The following SORCS2 variants were observed in gnomAD, a reference collection of about 807,000 sequenced individuals.
SORCS2 encodes the protein VPS10 domain-containing receptor SorCS2.
Under a neutral mutation model 141.6 loss-of-function variants are expected in SORCS2, and 100 were observed. The observed-to-expected ratio is 0.71, with a 90% CI of 0.60 to 0.83. The LOEUF is 0.83. Among genes scored for constraint, SORCS2 ranks in the 40% least tolerant of loss-of-function variants. SORCS2 has a pLI of 0.00. For synonymous variants in SORCS2, 789 were observed against 676.9 expected, an observed-to-expected ratio of 1.17 and a Z score of -2.57; for missense variants, 1,646 against 1,560.2, an observed-to-expected ratio of 1.05 and a Z score of -0.93.
chr4:7,628,732 G>T (rs1051930961), intron 3 of SORCS2, among the ~76,000 whole-genome samples: 1 of 152,098 alleles, frequency 6.6e-6, no homozygotes, highest in Non-Finnish European at 1.5e-5. Flanking sequence ...GGGAGCTGGG[G>T]CTTCCCGCGG....
intron 1 of SORCS2, among the ~76,000 whole-genome samples, chr4:7,372,710 C>T (rs930131853): frequency 1.5e-4 from 23 of 152,208 alleles, no homozygotes; most frequent in Admixed American, 1.3e-4. Context: ...CCCTCACCCC[C>T]CAGAAGTTCC....
chr4:7,522,213 G>T (rs1255730207), intron 2 of SORCS2, among the ~76,000 whole-genome samples: 1 of 152,170 alleles, frequency 6.6e-6, no homozygotes, highest in Non-Finnish European at 1.5e-5. Flanking sequence ...GGAGTGGGGC[G>T]AGCAGGGGCT....
At position 7,381,082 on chromosome 4, in the gene SORCS2, C is replaced by CAAAAAAAA. The variant is rs397745880; in HGVS notation, c.481-15197_481-15190dup. ...GGGTGATAGAGCAAGACTCTGTCTC[C>CAAAAAAAA]AAAAAAAAAAAAAAAAGGAGTGGGT... On this transcript the variant is annotated intron_variant, in intron 1 of 26. Transcript: ENST00000507866. 6.8e-4 allele frequency among the ~76,000 whole-genome samples: 71 copies of CAAAAAAAA among 103,968 alleles called. 1 individual carries two copies. Among genetic ancestry groups the CAAAAAAAA allele is most frequent in the East Asian group, 5.1e-3 (18 of 3,508 alleles). 68.2% of individuals were successfully genotyped at this position (103,968 alleles called of 152,430 possible).
At chr4:7,488,581 C>A (rs1427496225) in intron 2 of SORCS2, among the ~76,000 whole-genome samples, 1 of 152,260 alleles carries the variant, frequency 6.6e-6, no homozygotes, top group Non-Finnish European at 1.5e-5. Flanking sequence ...CTTTCCCAGA[C>A]CTTCCCTGCC....
At chr4:7,533,455 C>T (rs1444734081) in intron 3 of SORCS2, among the ~76,000 whole-genome samples, 1 of 152,208 alleles carries the variant, frequency 6.6e-6, no homozygotes, top group Non-Finnish European at 1.5e-5. Context: ...ACCTCCTGGC[C>T]CAGCTTCGAG....
intron 1 of SORCS2, among the ~76,000 whole-genome samples, chr4:7,279,130 G>A (rs746662349): frequency 2.0e-5 from 3 of 152,152 alleles, no homozygotes; most frequent in African/African-American, 2.4e-5. Context: ...GGGAGTTCTG[G>A]AAATACAGTT....
chr4:7,320,260 C>T lies in SORCS2; in HGVS notation c.481-76028C>T, dbSNP rs193296553. ...CAAAAAAATCAAACGCTGGGGAACA[C>T]TACTTTTCATAAAAGTAAGCTCAGA... is the stretch of plus-strand genomic sequence containing the variant. On this transcript the variant is annotated intron_variant, in intron 1 of 26. Coordinates refer to ENST00000507866, the MANE Select transcript of SORCS2 (RefSeq NM_020777.3). 3.0e-3 allele frequency among the ~76,000 whole-genome samples: 461 copies of T among 152,328 alleles called. 2 individuals carry two copies. Among genetic ancestry groups the T allele is most frequent in the South Asian group, 0.018 (86 of 4,832 alleles).
rs188355164 is a variant in SORCS2 at position 7,382,052 on chromosome 4, C to T, written c.481-14236C>T. The T allele has an allele frequency of 4.8e-4, 434 of 897,866 alleles. 3 individuals are homozygous for T. The African/African-American group carries it at 6.7e-3, about 14-fold the overall frequency. The allele number at this position is 897,866 out of a possible 1,614,324, so 55.6% of individuals were successfully genotyped here. A position where few individuals can be genotyped will look rare whatever the true frequency, so the allele number is the denominator to read the frequency against. On this transcript the variant is annotated intron_variant, in intron 1 of 26. Transcript: ENST00000507866. ...GTCGGGTCAAAGATGGGACCTCGTT[C>T]GGGAAAGGCCCAGGCATGAGGGGCT...
At chr4:7,223,425 T>C (rs1420780027) in intron 1 of SORCS2, among the ~76,000 whole-genome samples, 1 of 152,208 alleles carries the variant, frequency 6.6e-6, no homozygotes, top group Admixed American at 6.5e-5. Flanking sequence ...CACACGGTCA[T>C]TTCTTTATTT....
intron 2 of SORCS2, among the ~76,000 whole-genome samples, chr4:7,449,610 G>T (rs912524497): frequency 2.0e-5 from 3 of 151,670 alleles, no homozygotes; most frequent in Non-Finnish European, 4.4e-5. Context: ...GATGCTGGGG[G>T]CTGCCATGTG....
At position 7,330,668 on chromosome 4, in the gene SORCS2, T is replaced by C. The variant is rs111809696; in HGVS notation, c.481-65620T>C. On this transcript the variant is annotated intron_variant, in intron 1 of 26. Coordinates refer to ENST00000507866, the MANE Select transcript of SORCS2 (RefSeq NM_020777.3). ...GTGAAAGTCAATGCCCGCTGTGCTC[T>C]GCAGTGCAACTTACATCCATGCTCA... Among the ~76,000 whole-genome samples the C allele has an allele frequency of 1.7e-4, 26 of 152,214 alleles. 2 individuals are homozygous for C. The highest frequency in any genetic ancestry group is 5.5e-4 in the African/African-American group (23 of 41,554).
intron 2 of SORCS2, among the ~76,000 whole-genome samples, chr4:7,452,274 G>A (rs1728510304): frequency 6.6e-6 from 1 of 152,096 alleles, no homozygotes; most frequent in East Asian, 1.9e-4. Flanking sequence ...CTGAGTGGCT[G>A]GGATTACAGG....
intron 3 of SORCS2, among the ~76,000 whole-genome samples, chr4:7,538,445 TGGCATGGGGAAGTGTGAA>T (rs1200135960): frequency 6.6e-6 from 1 of 152,168 alleles, no homozygotes; most frequent in Non-Finnish European, 1.5e-5. Flanking sequence ...AGGAGCCCTG[TGGCATGGGGAAGTGTGAA>T]GGCACGGCCC....
At chr4:7,701,584 C>CG in intron 12 of SORCS2, among the ~76,000 whole-genome samples, 1 of 152,292 alleles carries the variant, frequency 6.6e-6, no homozygotes, top group Non-Finnish European at 1.5e-5. Context: ...GTAAGTGTCA[C>CG]GGAAGCATTG....
intron 8 of SORCS2, among the ~76,000 whole-genome samples, 171 bp from the exon 9 acceptor site, chr4:7,675,879 T>G (rs1285776265): frequency 6.6e-6 from 1 of 152,114 alleles, no homozygotes; most frequent in Non-Finnish European, 1.5e-5. Context: ...AGGAGACTTG[T>G]GCAAGGCCAC....
chr4:7,423,025 G>A (rs1247784903), intron 2 of SORCS2, among the ~76,000 whole-genome samples: 1 of 78,142 alleles, frequency 1.3e-5, no homozygotes, highest in African/African-American at 5.0e-5. Context: ...CCACTTCTCA[G>A]CCTTCACCCC....
intron 18 of SORCS2, among the ~76,000 whole-genome samples, chr4:7,721,059 C>T (rs1726554815): frequency 6.6e-6 from 1 of 152,230 alleles, no homozygotes; most frequent in Non-Finnish European, 1.5e-5. Flanking sequence ...CAGTGTTATT[C>T]ACAAAGGCCA....
chr4:7,640,356 A>ATG (rs1172654289), intron 4 of SORCS2, among the ~76,000 whole-genome samples: 2 of 130,428 alleles, frequency 1.5e-5, no homozygotes. Flanking sequence ...GTGAGAGCCT[A>ATG]TGTGAGCATG....
intron 1 of SORCS2, among the ~76,000 whole-genome samples, chr4:7,359,866 C>T (rs1232473247): frequency 5.9e-5 from 9 of 152,122 alleles, no homozygotes; most frequent in Non-Finnish European, 1.2e-4. Flanking sequence ...ACTGGCACTG[C>T]AGGAAGTGGC....
Sources: allele counts gnomAD v4.1 joint callset (sites outside exome capture counted in the v4.1 genomes callset), GRCh38; gene constraint gnomAD v4.1.1; transcripts MANE v1.5; gene names NCBI Gene and HGNC (gene_info 2026-07-23, HGNC 2026-07-21).